ERBB4: variants seen among roughly 807,000 people sequenced by gnomAD.
ERBB4 encodes erb-b2 receptor tyrosine kinase 4, also known as receptor tyrosine-protein kinase erbB-4.
A neutral mutation model predicts 158.0 loss-of-function variants in ERBB4; 42 were observed. The observed-to-expected ratio is 0.27, with a 90% CI of 0.21 to 0.34. ERBB4 has a LOEUF of 0.34. Among genes scored for constraint, ERBB4 ranks in the 10% least tolerant of loss-of-function variants. The probability of loss-of-function intolerance (pLI) is 1.00; values close to 1 mark genes in which losing one functional copy is unlikely to be tolerated. For missense variants in ERBB4, 1,333 were observed against 1,624.1 expected (o/e 0.82, Z 3.08); for synonymous variants, 583 against 558.7 (o/e 1.04, Z -0.61).
At chr2:211,437,515 G>A (rs1304769767) in intron 20 of ERBB4, among the ~76,000 whole-genome samples, 3 of 152,080 alleles carry the variant, frequency 2.0e-5, no homozygotes, top group Non-Finnish European at 2.9e-5. Flanking sequence ...CAACAATCTG[G>A]CAAAAAGCAT....
At chr2:211,679,497 T>C (rs2072248854) in intron 12 of ERBB4, among the ~76,000 whole-genome samples, 1 of 152,142 alleles carries the variant, frequency 6.6e-6, no homozygotes, top group Non-Finnish European at 1.5e-5. Context: ...ACCACACTTC[T>C]CTCAAGCCAA....
intron 1 of ERBB4, among the ~76,000 whole-genome samples, chr2:212,413,660 C>G (rs1280824064): frequency 6.6e-6 from 1 of 151,900 alleles, no homozygotes; most frequent in East Asian, 1.9e-4. Flanking sequence ...CAGAAAGGGC[C>G]CTGGGCTTGA....
Position 212,201,153 on chromosome 2 carries a change from T to C in ERBB4, c.83-76250A>G, listed in dbSNP as rs576820100. On this transcript the variant is annotated intron_variant, in intron 1 of 27. Coordinates refer to ENST00000342788, the MANE Select transcript of ERBB4 (RefSeq NM_005235.3). ...AAAATTTAATTATGCAAGTTTTCCT[T>C]CTTTTATAACTTGGCCTGATGCTTA... Among the ~76,000 whole-genome samples the C allele has an allele frequency of 1.1e-4, 17 of 152,314 alleles. 1 individual carries two copies. The highest frequency in any genetic ancestry group is 3.8e-4 in the African/African-American group (16 of 41,580).
At chr2:212,134,596 C>T (rs953765563) in intron 1 of ERBB4, among the ~76,000 whole-genome samples, 1 of 150,736 alleles carries the variant, frequency 6.6e-6, no homozygotes, top group Admixed American at 6.6e-5. Flanking sequence ...TATGTATTAT[C>T]TGAATCTTTA....
In ERBB4 at chr2:211,673,213, T is replaced by A; in HGVS notation, c.1667A>T (p.Asp556Val). 3 of 1,613,738 alleles carry A rather than the reference T, an allele frequency of 1.9e-6. No individual in the cohort carries two copies. Among genetic ancestry groups the A allele is most frequent in the Non-Finnish European group, 2.5e-6 (3 of 1,179,786 alleles). Reference protein sequence around the residue: ...FENGSICVECDPQCEKMEDGL... With the variant: ...FENGSICVECVPQCEKMEDGL... Reference sequence around the variant, plus strand: ...ATCTTCCATCTTCTCACACTGGGGGTCACACTCCACACAGATGGAGCCATT... The same window carrying A: ...ATCTTCCATCTTCTCACACTGGGGGACACACTCCACACAGATGGAGCCATT... The change falls in exon 14 of 28, where the codon GAC becomes GTC. Residue 556 changes from aspartate (D) to valine (V), a missense_variant. Transcript: ENST00000342788.
intron 9 of ERBB4, among the ~76,000 whole-genome samples, chr2:211,706,224 G>T (rs184692751): frequency 3.9e-5 from 6 of 152,170 alleles, no homozygotes; most frequent in African/African-American, 1.4e-4. Flanking sequence ...GTGATCTTAG[G>T]CTTTTTTAGA....
At chr2:211,633,020 C>T (rs553987326) in intron 16 of ERBB4, among the ~76,000 whole-genome samples, 44 of 152,208 alleles carry the variant, frequency 2.9e-4, no homozygotes, top group African/African-American at 1.0e-3. Flanking sequence ...AAACATAAAT[C>T]ATTAACCACA....
At chr2:212,177,689 C>CG (rs2081716155) in intron 1 of ERBB4, among the ~76,000 whole-genome samples, 1 of 151,804 alleles carries the variant, frequency 6.6e-6, no homozygotes, top group Admixed American at 6.6e-5. Flanking sequence ...ACAAATGTGC[C>CG]GGCACTATGC....
chr2:212,362,500 A>C (rs1417336975), intron 1 of ERBB4, among the ~76,000 whole-genome samples: 1 of 150,560 alleles, frequency 6.6e-6, no homozygotes, highest in East Asian at 1.9e-4. Context: ...TAAAAAGAAA[A>C]ATGTCATGTA....
intron 1 of ERBB4, among the ~76,000 whole-genome samples, chr2:212,138,177 T>G (rs753031120): frequency 2.0e-5 from 3 of 152,108 alleles, no homozygotes; most frequent in Non-Finnish European, 4.4e-5. Context: ...ACAATCAAAG[T>G]CAAAGTTCAT....
At chr2:211,825,249 A>G (rs895431241) in intron 3 of ERBB4, among the ~76,000 whole-genome samples, 2 of 151,874 alleles carry the variant, frequency 1.3e-5, no homozygotes, top group African/African-American at 4.8e-5. Context: ...CATCATAATG[A>G]TAATAAGTAG....
At chr2:211,846,761 C>T (rs550100115) in intron 3 of ERBB4, among the ~76,000 whole-genome samples, 2 of 152,146 alleles carry the variant, frequency 1.3e-5, no homozygotes, top group East Asian at 1.9e-4. Flanking sequence ...TTCCCTAATT[C>T]GGCATTTGCA....
intron 3 of ERBB4, among the ~76,000 whole-genome samples, chr2:211,934,526 C>T (rs1010287073): frequency 2.6e-5 from 4 of 151,898 alleles, no homozygotes; most frequent in South Asian, 2.1e-4. Context: ...AGATCTTTTT[C>T]GAGCCTGCCA....
chr2:212,208,761 A>G (rs2082842149), intron 1 of ERBB4, among the ~76,000 whole-genome samples: 1 of 152,176 alleles, frequency 6.6e-6, no homozygotes, highest in Non-Finnish European at 1.5e-5. Flanking sequence ...CAATCCTGTA[A>G]CACTTCCAGC....
rs530004244 is a variant in ERBB4 at position 211,410,950 on chromosome 2, C to T, written c.3135+9491G>A. Among the ~76,000 whole-genome samples, 12 of 152,194 alleles carry T rather than the reference C, an allele frequency of 7.9e-5. 1 individual carries two copies. Among genetic ancestry groups the T allele is most frequent in the Non-Finnish European group, 1.5e-4 (10 of 68,024 alleles). On this transcript the variant is annotated intron_variant, in intron 25 of 27. Transcript: ENST00000342788. ...TTTGAGACAGAGTCTAGCTCTGTTG[C>T]CAGGCTGAAGTACAGTGGCGTGATC...
chr2:211,687,288 G>C (rs1469228537), intron 12 of ERBB4, among the ~76,000 whole-genome samples: 1 of 130,902 alleles, frequency 7.6e-6, no homozygotes, highest in Admixed American at 8.8e-5. Flanking sequence ...CTGGGTGACA[G>C]AGCAAGACTC....
At chr2:212,526,822 C>A (rs1269802369) in intron 1 of ERBB4, among the ~76,000 whole-genome samples, 3 of 151,978 alleles carry the variant, frequency 2.0e-5, no homozygotes, top group African/African-American at 4.8e-5. Flanking sequence ...ATTGTCTCCC[C>A]ACCTATATTT....
chr2:212,421,131 G>A (rs1312214705), intron 1 of ERBB4, among the ~76,000 whole-genome samples: 1 of 152,010 alleles, frequency 6.6e-6, no homozygotes, highest in Non-Finnish European at 1.5e-5. Context: ...TATCTTAAAA[G>A]ATGATATATT....
chr2:211,728,883 T>C (rs1415499685), intron 5 of ERBB4, among the ~76,000 whole-genome samples: 1 of 151,830 alleles, frequency 6.6e-6, no homozygotes, highest in Admixed American at 6.6e-5. Flanking sequence ...AGAAAATTAA[T>C]GTAGAAAATA....
Sources: gnomAD v4.1 joint callset for allele counts (sites outside exome capture counted in the v4.1 genomes callset) on GRCh38, gnomAD v4.1.1 for gene constraint, MANE v1.5 for transcripts, NCBI Gene and HGNC (gene_info 2026-07-23, HGNC 2026-07-21) for gene names.